THADA: variants seen among roughly 807,000 people sequenced by gnomAD.
THADA encodes the protein THADA armadillo repeat containing.
In THADA, 213 loss-of-function variants were observed where a neutral mutation model predicts 219.8. The ratio of observed to expected loss-of-function variants is 0.97; its 90% CI spans 0.87 to 1.09. THADA has a LOEUF of 1.09. Among genes scored for constraint, THADA ranks in the 50% least tolerant of loss-of-function variants. The pLI, the probability that THADA is intolerant of heterozygous loss-of-function variation, is 0.00. For synonymous variants in THADA, 1,018 were observed against 828.9 expected (o/e 1.23, Z -3.92); for missense variants, 2,956 against 2,311.3 (o/e 1.28, Z -5.72).
At chr2:43,526,297 G>A (rs1693151342) in intron 22 of THADA, among the ~76,000 whole-genome samples, 2 of 151,750 alleles carry the variant, frequency 1.3e-5, no homozygotes, top group South Asian at 2.1e-4. Context: ...GAGCAAAAAT[G>A]TTTGATGCCT....
At chr2:43,459,841 T>C (rs768941088) in intron 26 of THADA, among the ~76,000 whole-genome samples, 4 of 152,292 alleles carry the variant, frequency 2.6e-5, no homozygotes, top group Admixed American at 2.0e-4. Context: ...AAACTGAGTT[T>C]GCCTACTTTT....
intron 31 of THADA, among the ~76,000 whole-genome samples, chr2:43,315,495 CTCTGTCACCCAGG>C (rs1677975204): frequency 1.3e-5 from 2 of 151,778 alleles, no homozygotes; most frequent in Non-Finnish European, 2.9e-5. Context: ...CAGGATCTTG[CTCTGTCACCCAGG>C]TTGGACTGCA....
intron 26 of THADA, among the ~76,000 whole-genome samples, chr2:43,445,260 C>A (rs921316315): frequency 1.3e-5 from 2 of 152,168 alleles, no homozygotes; most frequent in African/African-American, 4.8e-5. Context: ...AGGATATGAT[C>A]AAATGCAAAC....
chr2:43,425,585 T>A (rs1050827532), intron 28 of THADA, among the ~76,000 whole-genome samples: 1 of 152,078 alleles, frequency 6.6e-6, no homozygotes, highest in African/African-American at 2.4e-5. Flanking sequence ...CATTTGGAAG[T>A]CGGACTCTCA....
At position 43,231,311 on chromosome 2, in the gene THADA, T is replaced by C. The variant is rs769691850; in HGVS notation, c.5499A>G (p.Glu1833=). Residue 1833 remains glutamate (E), a synonymous_variant, in exon 38 of 38, where the codon GAA becomes GAG. Transcript: ENST00000405975. Reference sequence around the variant, plus strand: ...TCAGGGTCTCGGCCCAAAAGTTGACTTCTGCTTTTTCAAACAGGTAGTCTT... The same window carrying C: ...TCAGGGTCTCGGCCCAAAAGTTGACCTCTGCTTTTTCAAACAGGTAGTCTT... ...VEEDYLFEKA[E]VNFWAETLIF... 4 of 1,565,202 alleles carry C rather than the reference T, an allele frequency of 2.6e-6. No individual in the cohort carries two copies. The East Asian group carries it at 9.0e-5, about 35-fold the overall frequency.
chr2:43,566,859 CG>C, intron 14 of THADA, 38 bp from the exon 15 acceptor site: 1 of 1,363,552 alleles, frequency 7.3e-7, no homozygotes, highest in Non-Finnish European at 9.7e-7. Context: ...AGTATAATTA[CG>C]TCACAATAGG....
intron 26 of THADA, among the ~76,000 whole-genome samples, chr2:43,480,950 T>A (rs183739182): frequency 2.0e-5 from 3 of 152,240 alleles, no homozygotes; most frequent in Non-Finnish European, 2.9e-5. Flanking sequence ...CTATTCTGAA[T>A]TCTAATAATT....
At chr2:43,268,008 G>A (rs2104248727) in intron 36 of THADA, among the ~76,000 whole-genome samples, 1 of 152,332 alleles carries the variant, frequency 6.6e-6, no homozygotes, top group Admixed American at 6.5e-5. Context: ...GGAAGCAGGA[G>A]AGGGGGAAAG....
At chr2:43,507,779 C>A (rs1462135894) in intron 23 of THADA, among the ~76,000 whole-genome samples, 1 of 152,112 alleles carries the variant, frequency 6.6e-6, no homozygotes, top group Non-Finnish European at 1.5e-5. Flanking sequence ...AGGATGGGGT[C>A]TGATTTAGTA....
At chr2:43,262,751 C>G (rs751431495) in intron 36 of THADA, among the ~76,000 whole-genome samples, 15 of 152,146 alleles carry the variant, frequency 9.9e-5, no homozygotes, top group Non-Finnish European at 2.1e-4. Flanking sequence ...ACATTAGGAC[C>G]TTGCTACTCC....
intron 31 of THADA, among the ~76,000 whole-genome samples, chr2:43,300,060 T>C (rs1676078110): frequency 6.6e-6 from 1 of 151,838 alleles, no homozygotes; most frequent in South Asian, 2.1e-4. Flanking sequence ...AGCTGACATT[T>C]GTTGAGTATT....
chr2:43,397,071 G>T (rs1674149269), intron 29 of THADA, among the ~76,000 whole-genome samples: 1 of 152,148 alleles, frequency 6.6e-6, no homozygotes, highest in Non-Finnish European at 1.5e-5. Context: ...CAAAAATGAA[G>T]ACATGGATGT....
intron 28 of THADA, among the ~76,000 whole-genome samples, chr2:43,424,341 T>A (rs1369326976): frequency 6.6e-6 from 1 of 152,226 alleles, no homozygotes; most frequent in Non-Finnish European, 1.5e-5. Flanking sequence ...ACCTTTGCAC[T>A]ACTCCCACAA....
intron 36 of THADA, among the ~76,000 whole-genome samples, chr2:43,241,332 A>C (rs1162458331): frequency 6.6e-6 from 1 of 151,756 alleles, no homozygotes; most frequent in Non-Finnish European, 1.5e-5. Flanking sequence ...CAAGTGATCC[A>C]CACACCTAGG....
chr2:43,566,288 G>T, intron 15 of THADA: 1 of 521,464 alleles, frequency 1.9e-6, no homozygotes, highest in East Asian at 3.2e-5. Context: ...GAAACAGACG[G>T]CATGTAAAGG....
At chr2:43,389,816 G>C (rs1036019280) in intron 29 of THADA, among the ~76,000 whole-genome samples, 1 of 152,160 alleles carries the variant, frequency 6.6e-6, no homozygotes, top group African/African-American at 2.4e-5. Flanking sequence ...CATGTCTCCA[G>C]TCCATCCTGG....
chr2:43,484,549 G>A (rs544655847), intron 26 of THADA: 1 of 168,798 alleles, frequency 5.9e-6, no homozygotes, highest in Admixed American at 6.6e-5. Context: ...ATCCTCTTAA[G>A]TGCTAAAAAA....
intron 17 of THADA, among the ~76,000 whole-genome samples, chr2:43,554,627 T>A (rs114132841): frequency 0.015 from 2,273 of 152,278 alleles, 26 homozygotes; most frequent in Middle Eastern, 0.02. Context: ...TTATATTATA[T>A]AAATTTTTAA....
At chr2:43,552,387 T>C (rs746188683) in intron 17 of THADA, 48 bp from the exon 18 acceptor site, 15 of 1,555,250 alleles carry the variant, frequency 9.6e-6, no homozygotes, top group Admixed American at 2.1e-5. Flanking sequence ...CTTAAAACAT[T>C]TGTAAATGTA....
Sources: gnomAD v4.1 joint callset for allele counts (sites outside exome capture counted in the v4.1 genomes callset) on GRCh38, gnomAD v4.1.1 for gene constraint, MANE v1.5 for transcripts, NCBI Gene and HGNC (gene_info 2026-07-23, HGNC 2026-07-21) for gene names.